Variants in BFSP2 observed in about 807,000 individuals in gnomAD.
The protein encoded by BFSP2 is phakinin.
A neutral mutation model predicts 44.9 loss-of-function variants in BFSP2; 38 were observed. The observed-to-expected ratio is 0.85, with a 90% CI of 0.65 to 1.11. The LOEUF is 1.11. BFSP2 is among the 50% of genes least tolerant of loss of function. The pLI is 0.00. For synonymous variants in BFSP2, 197 were observed against 209.9 expected (o/e 0.94, Z 0.53); for missense variants, 525 against 533.0 (o/e 0.99, Z 0.15).
At chr3:133,434,025 C>T (rs978656948) in intron 1 of BFSP2, among the ~76,000 whole-genome samples, 2 of 152,208 alleles carry the variant, frequency 1.3e-5, no homozygotes, top group African/African-American at 4.8e-5. Flanking sequence ...ACTACTCATA[C>T]ATGCCCTGCT....
intron 1 of BFSP2, among the ~76,000 whole-genome samples, chr3:133,413,693 T>G (rs1483590063): frequency 6.6e-6 from 1 of 151,960 alleles, no homozygotes; most frequent in African/African-American, 2.4e-5. Flanking sequence ...CTGTCACAAG[T>G]GCATTATTCA....
chr3:133,409,196 G>A (rs1429860628), intron 1 of BFSP2, among the ~76,000 whole-genome samples: 1 of 151,460 alleles, frequency 6.6e-6, no homozygotes, highest in Non-Finnish European at 1.5e-5. Flanking sequence ...CACATTGGTG[G>A]TGGTAGCACT....
chr3:133,444,831 C>A (rs901952776), intron 1 of BFSP2, among the ~76,000 whole-genome samples: 1 of 152,152 alleles, frequency 6.6e-6, no homozygotes, highest in African/African-American at 2.4e-5. Flanking sequence ...ACCGCAAGAG[C>A]CTCCCGACTG....
At chr3:133,426,677 T>A (rs2107900110) in intron 1 of BFSP2, among the ~76,000 whole-genome samples, 1 of 152,306 alleles carries the variant, frequency 6.6e-6, no homozygotes, top group East Asian at 1.9e-4. Flanking sequence ...GCTCTTCACA[T>A]TCTAAAACTC....
intron 1 of BFSP2, among the ~76,000 whole-genome samples, chr3:133,421,273 C>T (rs536395367): frequency 1.3e-5 from 2 of 152,212 alleles, no homozygotes; most frequent in African/African-American, 2.4e-5. Context: ...GGATTACAAA[C>T]TGGGTGGCTT....
chr3:133,460,434 T>C (rs1559981492), intron 4 of BFSP2, among the ~76,000 whole-genome samples: 1 of 152,206 alleles, frequency 6.6e-6, no homozygotes. Context: ...TTAAAAGATT[T>C]TTTTGTAGAA....
intron 4 of BFSP2, among the ~76,000 whole-genome samples, chr3:133,460,523 G>T (rs2074052627): frequency 1.3e-5 from 2 of 152,198 alleles, no homozygotes; most frequent in Non-Finnish European, 2.9e-5. Flanking sequence ...CTCCCAAAGT[G>T]CTGGGATTGC....
intron 1 of BFSP2, among the ~76,000 whole-genome samples, chr3:133,423,106 G>C (rs1021139790): frequency 6.6e-6 from 1 of 152,116 alleles, no homozygotes; most frequent in African/African-American, 2.4e-5. Context: ...ACAATGCCAG[G>C]CACAAAGAAA....
chr3:133,463,136 C>A (rs948155171), intron 4 of BFSP2, among the ~76,000 whole-genome samples: 93 of 152,178 alleles, frequency 6.1e-4, no homozygotes, highest in Non-Finnish European at 1.9e-4. Context: ...TGGAGAAACC[C>A]CATCTCTACT....
chr3:133,426,964 G>T (rs1049518402), intron 1 of BFSP2, among the ~76,000 whole-genome samples: 11 of 152,222 alleles, frequency 7.2e-5, no homozygotes, highest in African/African-American at 2.4e-4. Flanking sequence ...TTCCTTTCCA[G>T]ACAGGCTGGC....
At chr3:133,448,877 A>C (rs1035516739) in intron 3 of BFSP2, 1 of 556,780 alleles carries the variant, frequency 1.8e-6, no homozygotes, top group East Asian at 3.2e-5. Context: ...GAAACAGGGG[A>C]AGGCAGCCAG....
intron 4 of BFSP2, among the ~76,000 whole-genome samples, chr3:133,462,933 A>G (rs190226632): frequency 1.4e-4 from 21 of 152,328 alleles, no homozygotes; most frequent in Admixed American, 3.9e-4. Flanking sequence ...TTGCCTCCTC[A>G]GAAGAAAGAA....
At chr3:133,447,491 C>G in intron 2 of BFSP2, 92 bp downstream of exon 2, 1 of 1,288,738 alleles carries the variant, frequency 7.8e-7, no homozygotes. Flanking sequence ...GCATCATCCA[C>G]CTTCTACCTC....
chr3:133,430,027 T>C lies in BFSP2; in HGVS notation c.490-17290T>C, dbSNP rs537237183. On this transcript the variant is annotated intron_variant, in intron 1 of 6. Coordinates refer to ENST00000302334, the MANE Select transcript of BFSP2 (RefSeq NM_003571.4). ...GGTGTTTGGTTTTTTGTCCTTGTGA[T>C]AGTTTGCTGAGAATGATGGTTTCCA... is the stretch of plus-strand genomic sequence containing the variant. Among the ~76,000 whole-genome samples the C allele has an allele frequency of 4.8e-3, 732 of 150,962 alleles. 16 individuals carry two copies. In the East Asian group the frequency reaches 0.065, roughly 13 times the overall value.
At chr3:133,452,186 G>A (rs2073971539) in intron 4 of BFSP2, among the ~76,000 whole-genome samples, 1 of 152,122 alleles carries the variant, frequency 6.6e-6, no homozygotes, top group East Asian at 1.9e-4. Flanking sequence ...GCTATGAAAA[G>A]AAAAATAGGA....
chr3:133,469,122 C>A (rs764113320), intron 5 of BFSP2, among the ~76,000 whole-genome samples: 1 of 152,216 alleles, frequency 6.6e-6, no homozygotes, highest in Non-Finnish European at 1.5e-5. Context: ...CACTCTCAAC[C>A]AGAAAACTTC....
At chr3:133,442,785 G>A (rs2073857600) in intron 1 of BFSP2, among the ~76,000 whole-genome samples, 1 of 152,034 alleles carries the variant, frequency 6.6e-6, no homozygotes, top group South Asian at 2.1e-4. Flanking sequence ...GGTAGACATT[G>A]GGGTTGTTTA....
chr3:133,444,755 C>G (rs2073881140), intron 1 of BFSP2, among the ~76,000 whole-genome samples: 2 of 151,974 alleles, frequency 1.3e-5, no homozygotes, highest in Non-Finnish European at 2.9e-5. Context: ...CCACATTTTT[C>G]CACCTACCCT....
At position 133,466,558 on chromosome 3, in the gene BFSP2, C is replaced by A. The variant is rs566622554; in HGVS notation, c.892-270C>A. On this transcript the variant is annotated intron_variant, in intron 4 of 6. Transcript: ENST00000302334. The stretch of plus-strand genomic sequence containing the variant: ...ATTAGCCAGGCCTGGTGGCGGGTAC[C>A]TGTAATCCCAGCTACTCGAGGCAGG... 1.7e-4 allele frequency among the ~76,000 whole-genome samples: 25 copies of A among 151,212 alleles called. No homozygotes were observed. The South Asian group carries it at 5.0e-3, about 30-fold the overall frequency.
Sources: allele counts gnomAD v4.1 joint callset (sites outside exome capture counted in the v4.1 genomes callset), GRCh38; gene constraint gnomAD v4.1.1; transcripts MANE v1.5; gene names NCBI Gene and HGNC (gene_info 2026-07-23, HGNC 2026-07-21).